Variants in NHS observed in about 807,000 individuals in gnomAD.
NHS encodes NHS actin remodeling regulator.
NHS carries 5 observed loss-of-function variants against 72.5 expected under a neutral mutation model. The observed-to-expected ratio is 0.07, with a 90% CI of 0.04 to 0.14. The LOEUF (loss-of-function observed/expected upper bound fraction) is 0.14. Among genes scored for constraint, NHS ranks in the 10% least tolerant of loss-of-function variants. The pLI is 1.00. For synonymous variants in NHS, 464 were observed against 547.7 expected, an observed-to-expected ratio of 0.85 and a Z score of 2.13; for missense variants, 1,072 against 1,355.7, an observed-to-expected ratio of 0.79 and a Z score of 3.29.
chrX:17,643,300 T>C (rs966357421), intron 1 of NHS, among the ~76,000 whole-genome samples: 1 of 111,428 alleles, frequency 9.0e-6, no homozygotes, highest in African/African-American at 3.3e-5. Context: ...TTCTTTCTTT[T>C]TTTTTCCCAG....
chrX:17,675,064 C>T (rs2147102494), intron 1 of NHS, among the ~76,000 whole-genome samples: 2 of 112,218 alleles, frequency 1.8e-5, no homozygotes, highest in East Asian at 5.6e-4. Flanking sequence ...TGGCCAGGAG[C>T]CTTTCATAGT....
At chrX:17,704,305 A>T (rs1206428067) in intron 3 of NHS, among the ~76,000 whole-genome samples, 1 of 107,252 alleles carries the variant, frequency 9.3e-6, no homozygotes, top group Non-Finnish European at 1.9e-5. Flanking sequence ...TTAAAAAAAA[A>T]TTTTTTTTTG....
At chrX:17,475,250 G>T (rs1161528885) in intron 1 of NHS, among the ~76,000 whole-genome samples, 1 of 112,567 alleles carries the variant, frequency 8.9e-6, no homozygotes, top group Non-Finnish European at 1.9e-5. Context: ...CCTGGTCCCA[G>T]AGCAGACACG....
chrX:17,556,566 TA>T (rs1447245000), intron 1 of NHS, among the ~76,000 whole-genome samples: 2 of 112,931 alleles, frequency 1.8e-5, no homozygotes, highest in Non-Finnish European at 3.7e-5. Context: ...CTTAGCTCTA[TA>T]AAGTAGTTAC....
chrX:17,624,751 TGA>T (rs1347316607), intron 1 of NHS, among the ~76,000 whole-genome samples: 1 of 112,850 alleles, frequency 8.9e-6, no homozygotes, highest in Non-Finnish European at 1.9e-5. Flanking sequence ...TACTGCAGCA[TGA>T]GAGAAAGCCC....
chrX:17,425,904 C>T (rs958565452), intron 1 of NHS: 4 of 112,775 alleles, frequency 3.5e-5, no homozygotes, highest in African/African-American at 1.3e-4. Flanking sequence ...CTCTGGATCC[C>T]ATGGATATGG....
At chrX:17,644,634 G>T (rs2065897503) in intron 1 of NHS, among the ~76,000 whole-genome samples, 1 of 111,284 alleles carries the variant, frequency 9.0e-6, no homozygotes, top group South Asian at 3.8e-4. Flanking sequence ...CTGAGCCAGT[G>T]GTGGAGATAG....
At position 17,375,462 on chromosome X, in the gene NHS, G is replaced by T; in HGVS notation, c.-296G>T. On this transcript the variant is annotated 5_prime_UTR_variant, in exon 1 of 9. Coordinates refer to ENST00000676302, the MANE Select transcript of NHS (RefSeq NM_001291867.2). Reference sequence around the variant, plus strand: ...CAGAAACGATGGAGTTGAGCCAGTCGACCCTGGTTGGAAGCAAGTGAGAAG... The same window carrying T: ...CAGAAACGATGGAGTTGAGCCAGTCTACCCTGGTTGGAAGCAAGTGAGAAG... 2.5e-6 allele frequency: 1 copy of T among 404,551 alleles called. No homozygotes were observed. The highest frequency in any genetic ancestry group is 4.3e-6 in the Non-Finnish European group (1 of 234,467). The allele number at this position is 404,551 out of a possible 1,213,427, so 33.3% of individuals were successfully genotyped here. A position where few individuals can be genotyped will look rare whatever the true frequency, so the allele number is the denominator to read the frequency against.
At chrX:17,602,657 C>T (rs1273848753) in intron 1 of NHS, among the ~76,000 whole-genome samples, 5 of 110,288 alleles carry the variant, frequency 4.5e-5, no homozygotes, top group Non-Finnish European at 9.5e-5. Flanking sequence ...AAGTGGCTTG[C>T]TGCTTTACTA....
chrX:17,503,329 G>A (rs2065043847), intron 1 of NHS, among the ~76,000 whole-genome samples: 2 of 111,807 alleles, frequency 1.8e-5, no homozygotes. Context: ...TGGTAATGTT[G>A]GAGTGAGGAT....
chrX:17,533,259 C>T (rs777180246), intron 1 of NHS, among the ~76,000 whole-genome samples: 4 of 111,795 alleles, frequency 3.6e-5, no homozygotes, highest in Admixed American at 9.4e-5. Context: ...GATTTTTCGG[C>T]AACCTTTTTT....
intron 1 of NHS, among the ~76,000 whole-genome samples, chrX:17,592,937 TG>T (rs900157362): frequency 2.2e-4 from 24 of 111,568 alleles, no homozygotes; most frequent in Admixed American, 1.9e-3. Flanking sequence ...CTATCTACTT[TG>T]GGGTATGTTA....
In NHS at chrX:17,637,342, G is replaced by A. The variant is rs146034909; in HGVS notation, c.566-50400G>A. ...ATAGCTCGACCCAGTTTTCCCTCAA[G>A]ACTTGAAGATCCAAGGCCTATACGT... On this transcript the variant is annotated intron_variant, in intron 1 of 8. Coordinates refer to ENST00000676302, the MANE Select transcript of NHS (RefSeq NM_001291867.2). 4.6e-4 allele frequency among the ~76,000 whole-genome samples: 52 copies of A among 112,036 alleles called. No individual in the cohort carries two copies. In the East Asian group the frequency reaches 0.015, roughly 32 times the overall value.
chrX:17,459,117 T>A (rs891893361), intron 1 of NHS, among the ~76,000 whole-genome samples: 1 of 112,549 alleles, frequency 8.9e-6, no homozygotes, highest in Non-Finnish European at 1.9e-5. Flanking sequence ...AATAAATAAT[T>A]TTTGCTTGAT....
intron 1 of NHS, among the ~76,000 whole-genome samples, chrX:17,563,305 G>A (rs1337082861): frequency 8.9e-6 from 1 of 112,619 alleles, no homozygotes. Flanking sequence ...GCACATAGGG[G>A]GCATTCAGTT....
Position 17,719,335 on chromosome X carries a change from T to C in NHS, c.853-9T>C. ...TAATTTTTTCTTTTTTTGCATTTCA[T>C]GTTCATAGTTTAACAGCACCCGTTC... On this transcript the variant is annotated splice_polypyrimidine_tract_variant and intron_variant, in intron 3 of 8. Transcript: ENST00000676302. 1 of 1,166,490 alleles carries C rather than the reference T, an allele frequency of 8.6e-7. No individual in the cohort carries two copies. Among genetic ancestry groups the C allele is most frequent in the Non-Finnish European group, 1.1e-6 (1 of 872,042 alleles).
intron 1 of NHS, among the ~76,000 whole-genome samples, chrX:17,385,543 T>A (rs1430046220): frequency 9.0e-6 from 1 of 111,400 alleles, no homozygotes; most frequent in Non-Finnish European, 1.9e-5. Flanking sequence ...TATTATTATT[T>A]TTTATTTTGT....
chrX:17,698,408 G>A (rs1482951740), intron 3 of NHS, among the ~76,000 whole-genome samples: 1 of 111,962 alleles, frequency 8.9e-6, no homozygotes, highest in East Asian at 2.8e-4. Context: ...ATTAGAATTG[G>A]TAAGCTTAAA....
chrX:17,532,399 G>A (rs2065202800), intron 1 of NHS, among the ~76,000 whole-genome samples: 1 of 111,295 alleles, frequency 9.0e-6, no homozygotes, highest in African/African-American at 3.3e-5. Flanking sequence ...CCCTGCCCTT[G>A]AAGGGAGGAA....
Sources: allele counts gnomAD v4.1 joint callset (sites outside exome capture counted in the v4.1 genomes callset), GRCh38; gene constraint gnomAD v4.1.1; transcripts MANE v1.5; gene names NCBI Gene and HGNC (gene_info 2026-07-23, HGNC 2026-07-21).